AWAT2: variants seen among roughly 807,000 people sequenced by gnomAD.
AWAT2 encodes acyl-CoA wax alcohol acyltransferase 2, also known as 11-cis-RE-synthase.
In AWAT2, 9 loss-of-function variants were observed where a neutral mutation model predicts 22.3. The observed-to-expected ratio is 0.40, with a 90% CI of 0.24 to 0.70. The LOEUF is 0.70. Among genes scored for constraint, AWAT2 ranks in the 30% least tolerant of loss-of-function variants. The pLI is 0.36. For synonymous variants in AWAT2, 100 were observed against 93.4 expected (o/e 1.07, Z -0.40); for missense variants, 217 against 265.9 (o/e 0.82, Z 1.28).
chrX:70,046,942 A>G (rs1291932616), intron 1 of AWAT2, among the ~76,000 whole-genome samples: 1 of 111,883 alleles, frequency 8.9e-6, no homozygotes, highest in Non-Finnish European at 1.9e-5. Flanking sequence ...TTATTTCTAT[A>G]AAATATTTAG....
Position 70,042,177 on chromosome X carries a change from G to A in AWAT2, c.847+10C>T, listed in dbSNP as rs1178236984. On this transcript the variant is annotated intron_variant, in intron 6 of 7. Coordinates refer to ENST00000276101, the MANE Select transcript of AWAT2 (RefSeq NM_001002254.1). ...CTAGACTCAGGCTGCCAGCAGAAAC[G>A]CCCACTCACCGATGGTGGTTACAGG... The A allele has an allele frequency of 1.7e-6, 2 of 1,194,861 alleles. No individual in the cohort carries two copies. The highest frequency in any genetic ancestry group is 2.3e-6 in the Non-Finnish European group (2 of 886,812).
rs2020349948 is a variant in AWAT2, at chrX:70,044,436, A to G, written c.112T>C (p.Tyr38His). ...CAGTATGGTGTGAACACCACCAGGT[A>G]GAGGTTGACAGCAATCACAGTGGTT... ...ITTTVIAVNLYLVVFTPYWPV... is the reference protein window; with the variant it reads ...ITTTVIAVNLHLVVFTPYWPV... Residue 38 changes from tyrosine (Y) to histidine (H), a missense_variant, in exon 2 of 8, where the codon TAC becomes CAC. Tyr to His is a moderately conservative substitution (Grantham distance 83). Coordinates refer to ENST00000276101, the MANE Select transcript of AWAT2 (RefSeq NM_001002254.1). 8.3e-7 allele frequency: 1 copy of G among 1,210,179 alleles called. No homozygotes were observed. The highest frequency in any genetic ancestry group is 1.1e-6 in the Non-Finnish European group (1 of 895,190).
Position 70,043,513 on chromosome X carries a change from C to T in AWAT2, c.437G>A (p.Trp146Ter). The T allele has an allele frequency of 8.3e-7, 1 of 1,211,029 alleles. No homozygotes were observed. The highest frequency in any genetic ancestry group is 1.1e-6 in the Non-Finnish European group (1 of 894,880). ...TACATATTCTCTGAGGAAAGGCATC[C>T]AGAAAAAGGCTCCCAGTGTGAGTAT... ...PYILTLGAFF[W>*]MPFLREYVMS... Residue 146 changes from tryptophan to a stop codon, truncating the protein, a stop_gained, in exon 4 of 8, where the codon TGG becomes TAG. Coordinates refer to ENST00000276101, the MANE Select transcript of AWAT2 (RefSeq NM_001002254.1). LOFTEE classifies it high-confidence loss of function.
chrX:70,043,895 TG>T, intron 3 of AWAT2, 30 bp downstream of exon 3: 1 of 1,186,443 alleles, frequency 8.4e-7, no homozygotes, highest in Non-Finnish European at 1.1e-6. Flanking sequence ...GGGCTGGACC[TG>T]GGCCTGAGTG....
intron 5 of AWAT2, chrX:70,042,862 C>G: frequency 4.0e-3 from 1,446 of 365,138 alleles, no homozygotes; most frequent in Non-Finnish European, 5.7e-3. Context: ...CCAGAGGTGG[C>G]TTTCCTCCTC....
In AWAT2 at chrX:70,044,845, G is replaced by A. The variant is rs111864811; in HGVS notation, c.86-383C>T. On this transcript the variant is annotated intron_variant, in intron 1 of 7. Coordinates refer to ENST00000276101, the MANE Select transcript of AWAT2 (RefSeq NM_001002254.1). ...CTGGAACAGTTTTCCTCCAATTCAC[G>A]TCCTCCTCTCCAAATCTTCTCTCTG... Among the ~76,000 whole-genome samples, 814 of 112,464 alleles carry A rather than the reference G, an allele frequency of 7.2e-3. 6 individuals carry two copies. Among genetic ancestry groups the A allele is most frequent in the African/African-American group, 0.025 (760 of 30,944 alleles).
chrX:70,042,105 G>A, intron 6 of AWAT2, 82 bp downstream of exon 6: 8 of 1,107,303 alleles, frequency 7.2e-6, no homozygotes, highest in Non-Finnish European at 9.7e-6. Context: ...CCCTGCCTCT[G>A]AGCAGAGTCA....
chrX:70,043,652 G>A lies in AWAT2; in HGVS notation c.298C>T (p.Arg100Cys), dbSNP rs774238083. 26 of 1,207,579 alleles carry A rather than the reference G, an allele frequency of 2.2e-5. No homozygotes were observed. In the East Asian group the frequency reaches 3.6e-4, roughly 17 times the overall value. ...LLKTHDICPS[R>C]NYILVCHPHG... ...GGGTGGCAGACGAGGATGTAGTTGC[G>A]GCTGGGGCAGATGTCATGAGTCTTC... Residue 100 changes from arginine to cysteine, a missense_variant, in exon 4 of 8, where the codon CGC (arginine) becomes TGC (cysteine). Physicochemically the swap from Arg to Cys is radical, Grantham distance 180. Transcript: ENST00000276101.
intron 1 of AWAT2, among the ~76,000 whole-genome samples, chrX:70,044,910 A>G (rs751980547): frequency 1.8e-5 from 2 of 112,783 alleles, no homozygotes; most frequent in African/African-American, 3.2e-5. Flanking sequence ...GCAAAGACCC[A>G]TCTTCAGCCC....
At chrX:70,045,831 G>GA (rs976511163) in intron 1 of AWAT2, among the ~76,000 whole-genome samples, 1 of 110,868 alleles carries the variant, frequency 9.0e-6, no homozygotes, top group Non-Finnish European at 1.9e-5. Flanking sequence ...TAGAATCCAG[G>GA]AAAAAAAGGA....
chrX:70,044,981 T>C (rs1451763844), intron 1 of AWAT2, among the ~76,000 whole-genome samples: 1 of 112,539 alleles, frequency 8.9e-6, no homozygotes, highest in African/African-American at 3.2e-5. Flanking sequence ...AATAAGGTAC[T>C]GGGCTGTATT....
At position 70,042,270 on chromosome X, in the gene AWAT2, A is replaced by G. The variant is rs773213242; in HGVS notation, c.764T>C (p.Ile255Thr). The G allele has an allele frequency of 2.5e-6, 3 of 1,210,987 alleles. No homozygotes were observed. The highest frequency in any genetic ancestry group is 3.4e-6 in the Non-Finnish European group (3 of 894,985). ...FQKWFQSMVH[I>T]YPCAFYGRGF... ...ACGTCCATAGAAAGCACAAGGGTAG[A>G]TGTGTACCATGCTCTGGAACCACTT... The change falls in exon 6 of 8, where the codon ATC becomes ACC. Residue 255 changes from isoleucine to threonine, a missense_variant. Ile to Thr is a moderately conservative substitution (Grantham distance 89). Transcript: ENST00000276101.
chrX:70,044,117 G>T, intron 2 of AWAT2, 121 bp from the exon 3 acceptor site: 1 of 919,414 alleles, frequency 1.1e-6, no homozygotes, highest in South Asian at 2.4e-5. Flanking sequence ...GCATATCAGG[G>T]CAATTTAGGA....
chrX:70,043,425 C>T, intron 4 of AWAT2, 53 bp downstream of exon 4: 1 of 1,111,284 alleles, frequency 9.0e-7, no homozygotes, highest in Non-Finnish European at 1.2e-6. Flanking sequence ...CCCTACAATT[C>T]TCCCTTGGGG....
intron 1 of AWAT2, 57 bp downstream of exon 1, chrX:70,049,791 C>A: frequency 8.5e-7 from 1 of 1,182,231 alleles, no homozygotes; most frequent in Non-Finnish European, 1.1e-6. Context: ...CCCTAAAATC[C>A]TTCAGTCTCA....
At chrX:70,046,257 C>T (rs761418685) in intron 1 of AWAT2, among the ~76,000 whole-genome samples, 33 of 111,542 alleles carry the variant, frequency 3.0e-4, no homozygotes, top group Non-Finnish European at 5.5e-4. Context: ...TTTCAGTTTA[C>T]GGTATGAGTA....
At chrX:70,042,830 G>T in intron 5 of AWAT2, 1 of 395,094 alleles carries the variant, frequency 2.5e-6, no homozygotes, top group Non-Finnish European at 4.3e-6. Context: ...ATGCCTCCAG[G>T]ACCTGGCCCC....
In AWAT2 at chrX:70,045,527, G is replaced by A. The variant is rs146212188; in HGVS notation, c.86-1065C>T. On this transcript the variant is annotated intron_variant, in intron 1 of 7. Coordinates refer to ENST00000276101, the MANE Select transcript of AWAT2 (RefSeq NM_001002254.1). ...AGAAAAACTGGAGGATTGGTTGAAAGTCTGCCAAGGAATTAGAACCCCAGG... is the reference window on the plus strand; with the variant it reads ...AGAAAAACTGGAGGATTGGTTGAAAATCTGCCAAGGAATTAGAACCCCAGG... 4.2e-3 allele frequency among the ~76,000 whole-genome samples: 467 copies of A among 111,403 alleles called. 5 individuals carry two copies. The highest frequency in any genetic ancestry group is 0.015 in the African/African-American group (455 of 30,622).
rs1032533451 is a variant in AWAT2, at chrX:70,040,987, A to G, written c.*671T>C. The G allele has an allele frequency of 8.9e-6, 1 of 112,365 alleles. No homozygotes were observed. The highest frequency in any genetic ancestry group is 3.2e-5 in the African/African-American group (1 of 30,894). 9.3% of individuals were successfully genotyped at this position (112,365 alleles called of 1,213,427 possible). ...CCACACAAGTATAGGCAAGTTGCTGAGGGAATGACAGAGAAAATTAGGCCT... is the reference window on the plus strand; with the variant it reads ...CCACACAAGTATAGGCAAGTTGCTGGGGGAATGACAGAGAAAATTAGGCCT... On this transcript the variant is annotated 3_prime_UTR_variant, in exon 8 of 8. Transcript: ENST00000276101.
Sources: gnomAD v4.1 joint callset for allele counts (sites outside exome capture counted in the v4.1 genomes callset) on GRCh38, gnomAD v4.1.1 for gene constraint, MANE v1.5 for transcripts, NCBI Gene and HGNC (gene_info 2026-07-23, HGNC 2026-07-21) for gene names.